Variants in RAP1GAP2 observed in about 807,000 individuals in gnomAD.
The protein encoded by RAP1GAP2 is rap1 GTPase-activating protein 2.
Under a neutral mutation model 95.0 loss-of-function variants are expected in RAP1GAP2, and 27 were observed. That is an observed-to-expected ratio of 0.28 (90% CI 0.21 to 0.39). The LOEUF is 0.39. Ranked by LOEUF, RAP1GAP2 falls within the 10% of genes least tolerant of loss-of-function variation. The pLI is 1.00. For synonymous variants in RAP1GAP2, 373 were observed against 380.9 expected (o/e 0.98, Z 0.24); for missense variants, 771 against 970.0 (o/e 0.79, Z 2.72).
intron 3 of RAP1GAP2, among the ~76,000 whole-genome samples, chr17:2,954,544 C>T (rs1597711988): frequency 6.6e-6 from 1 of 152,002 alleles, no homozygotes; most frequent in African/African-American, 2.4e-5. Flanking sequence ...GGGAATTTGT[C>T]ATCCATTTGG....
rs1363281268 is a variant in RAP1GAP2 at position 3,027,389 on chromosome 17, C to T, written c.2107+319C>T. Reference sequence around the variant, plus strand: ...TAGCCCTTCTCCCCACCTGCCAGTGCTCCAACCCTTCTCCCCACCTGCCAG... The same window carrying T: ...TAGCCCTTCTCCCCACCTGCCAGTGTTCCAACCCTTCTCCCCACCTGCCAG... On this transcript the variant is annotated intron_variant, in intron 22 of 24. Transcript: ENST00000254695. The surrounding 1 kb of genome is among the most constrained non-coding windows in gnomAD (Gnocchi z 5.2). Among the ~76,000 whole-genome samples, 5 of 152,100 alleles carry T rather than the reference C, an allele frequency of 3.3e-5. No individual in the cohort carries two copies. Among genetic ancestry groups the T allele is most frequent in the African/African-American group, 1.2e-4 (5 of 41,414 alleles).
chr17:2,798,366 C>T (rs746706484), intron 1 of RAP1GAP2, among the ~76,000 whole-genome samples: 2 of 152,098 alleles, frequency 1.3e-5, no homozygotes, highest in African/African-American at 2.4e-5. Flanking sequence ...GTGGACTCAT[C>T]GAGGTCTTTT....
chr17:2,995,521 C>T (rs1240273629), intron 13 of RAP1GAP2, 55 bp downstream of exon 13: 2 of 1,605,900 alleles, frequency 1.2e-6, no homozygotes, highest in African/African-American at 2.7e-5. Flanking sequence ...TGAGGGCCTG[C>T]CTCTGGTCTG....
chr17:2,926,007 G>A (rs1200392690), intron 3 of RAP1GAP2, among the ~76,000 whole-genome samples: 1 of 152,046 alleles, frequency 6.6e-6, no homozygotes, highest in African/African-American at 2.4e-5. Flanking sequence ...GGGCGTGGTG[G>A]TGGGTGTCTG....
At chr17:2,816,266 C>T (rs1053300518) in intron 2 of RAP1GAP2, among the ~76,000 whole-genome samples, 40 of 150,966 alleles carry the variant, frequency 2.6e-4, no homozygotes, top group African/African-American at 9.2e-4. Context: ...TAATGACATG[C>T]AAACCTCTGA....
In RAP1GAP2 at chr17:2,821,576, G is replaced by T. The variant is rs561243161; in HGVS notation, c.80+21026G>T. Among the ~76,000 whole-genome samples the T allele has an allele frequency of 7.3e-5, 11 of 150,876 alleles. No homozygotes were observed. The East Asian group carries it at 1.6e-3, about 22-fold the overall frequency. Reference sequence around the variant, plus strand: ...TTTTGTAGAGATGAAGTTTTGCCATGTTGCCCAGGCTGGTTTTGAACTCCT... The same window carrying T: ...TTTTGTAGAGATGAAGTTTTGCCATTTTGCCCAGGCTGGTTTTGAACTCCT... On this transcript the variant is annotated intron_variant, in intron 2 of 24. Coordinates refer to ENST00000254695, the MANE Select transcript of RAP1GAP2 (RefSeq NM_015085.5).
chr17:2,980,226 A>C, intron 8 of RAP1GAP2, 61 bp from the exon 9 acceptor site: 1 of 1,535,182 alleles, frequency 6.5e-7, no homozygotes. Context: ...GACAGGCACG[A>C]GTCCCCGCGC....
chr17:2,914,794 CTT>C (rs1351771209), intron 3 of RAP1GAP2, among the ~76,000 whole-genome samples: 19 of 120,220 alleles, frequency 1.6e-4, no homozygotes, highest in East Asian at 2.5e-4. Context: ...CCGGCCACTT[CTT>C]TTTTTTTTTT....
rs140234201 is a variant in RAP1GAP2, at chr17:2,935,893, C to CG, written c.166-21865dup. On this transcript the variant is annotated intron_variant, in intron 3 of 24. Coordinates refer to ENST00000254695, the MANE Select transcript of RAP1GAP2 (RefSeq NM_015085.5). ...GAAAAACCACAAGCAAGGAAGGAAACGCGGCCGATCTGGCGGGTTTGCTCC... is the reference window on the plus strand; with the variant it reads ...GAAAAACCACAAGCAAGGAAGGAAACGGCGGCCGATCTGGCGGGTTTGCTCC... Among the ~76,000 whole-genome samples, 1,520 of 152,228 alleles carry CG rather than the reference C, an allele frequency of 1.0e-2. 20 individuals carry two copies. The highest frequency in any genetic ancestry group is 0.03 in the South Asian group (145 of 4,832).
chr17:3,006,846 G>A (rs534023692), intron 16 of RAP1GAP2, among the ~76,000 whole-genome samples: 1 of 152,206 alleles, frequency 6.6e-6, no homozygotes, highest in East Asian at 1.9e-4. Context: ...TAGTCGGGGG[G>A]TGGGGCAGGG....
chr17:2,948,846 A>C (rs1273544200), intron 3 of RAP1GAP2, among the ~76,000 whole-genome samples: 1 of 152,110 alleles, frequency 6.6e-6, no homozygotes, highest in Non-Finnish European at 1.5e-5. Flanking sequence ...GGGGTCCTGG[A>C]CTCACACGAG....
intron 2 of RAP1GAP2, among the ~76,000 whole-genome samples, chr17:2,823,369 A>G (rs1440833653): frequency 6.6e-6 from 1 of 152,190 alleles, no homozygotes; most frequent in Non-Finnish European, 1.5e-5. Flanking sequence ...CAATGTCTGC[A>G]CGACATACGC....
intron 1 of RAP1GAP2, among the ~76,000 whole-genome samples, chr17:2,784,065 C>T (rs896075626): frequency 3.9e-5 from 6 of 152,208 alleles, no homozygotes; most frequent in South Asian, 4.2e-4. Context: ...CTCTACCTCC[C>T]GGGTTTAAGT....
At chr17:3,021,430 CTTTTTTTTTTTTTTTT>C (rs57099220) in intron 19 of RAP1GAP2, among the ~76,000 whole-genome samples, 1 of 95,744 alleles carries the variant, frequency 1.0e-5, no homozygotes, top group Non-Finnish European at 2.0e-5. Context: ...CGATATTTGT[CTTTTTTTTTTTTTTTT>C]TTTTTTTTTT....
At chr17:2,874,295 T>C (rs1019079127) in intron 2 of RAP1GAP2, among the ~76,000 whole-genome samples, 11 of 152,306 alleles carry the variant, frequency 7.2e-5, no homozygotes, top group African/African-American at 2.2e-4. Context: ...TGGGGACTCT[T>C]GAAGACTAAA....
chr17:2,801,594 GGTATGTGTGTGTGTGTGTGTGTGTGT>G (rs1375259455), intron 2 of RAP1GAP2, among the ~76,000 whole-genome samples: 3 of 125,960 alleles, frequency 2.4e-5, no homozygotes, highest in Non-Finnish European at 3.4e-5. Flanking sequence ...AACACTCCAG[GGTATGTGTGTGTGTGTGTGTGTGTGT>G]GTGTGTGTGT....
intron 1 of RAP1GAP2, among the ~76,000 whole-genome samples, chr17:2,786,124 C>T (rs1444003795): frequency 6.6e-6 from 1 of 152,178 alleles, no homozygotes; most frequent in Non-Finnish European, 1.5e-5. Flanking sequence ...TGATCTCGAA[C>T]TCCTGACCTC....
At chr17:2,996,967 T>C (rs1276269468) in intron 13 of RAP1GAP2, among the ~76,000 whole-genome samples, 1 of 152,154 alleles carries the variant, frequency 6.6e-6, no homozygotes, top group Admixed American at 6.5e-5. Flanking sequence ...GGACTCGACA[T>C]ACAGGAGCGG....
intron 1 of RAP1GAP2, among the ~76,000 whole-genome samples, chr17:2,789,046 C>T (rs2068857947): frequency 6.6e-6 from 1 of 152,132 alleles, no homozygotes. Context: ...TTCCTTATAC[C>T]TTTACACAAT....
Sources: gnomAD v4.1 joint callset for allele counts (sites outside exome capture counted in the v4.1 genomes callset) on GRCh38, gnomAD v4.1.1 for gene constraint, Gnocchi (gnomAD v3.1) non-coding constraint, MANE v1.5 for transcripts, NCBI Gene and HGNC (gene_info 2026-07-23, HGNC 2026-07-21) for gene names.